Variants in EVC2 observed in about 807,000 individuals in gnomAD.
EVC2 encodes EvC ciliary complex subunit 2, also known as limbin.
In EVC2, 148 loss-of-function variants were observed where a neutral mutation model predicts 149.3. The ratio of observed to expected loss-of-function variants is 0.99; its 90% confidence interval spans 0.87 to 1.14. The LOEUF is 1.14. Among genes scored for constraint, EVC2 ranks in the 50% most tolerant of loss-of-function variants. The pLI, the probability that EVC2 is intolerant of heterozygous loss-of-function variation, is 0.00. For synonymous variants in EVC2, 776 were observed against 649.9 expected, an observed-to-expected ratio of 1.19 and a Z score of -2.95; for missense variants, 1,854 against 1,627.3, an observed-to-expected ratio of 1.14 and a Z score of -2.40.
chr4:5,555,901 C>T (rs372917742), intron 21 of EVC2, among the ~76,000 whole-genome samples: 2 of 152,034 alleles, frequency 1.3e-5, no homozygotes, highest in African/African-American at 4.8e-5. Flanking sequence ...ACTTAATAGC[C>T]GGGTGTGGTG....
intron 7 of EVC2, among the ~76,000 whole-genome samples, chr4:5,678,864 C>T (rs2151721431): frequency 6.6e-6 from 1 of 152,132 alleles, no homozygotes; most frequent in African/African-American, 2.4e-5. Flanking sequence ...AACCCCGTCT[C>T]TACTAAAAAT....
At chr4:5,700,982 G>C (rs756874369) in intron 1 of EVC2, among the ~76,000 whole-genome samples, 16 of 152,348 alleles carry the variant, frequency 1.1e-4, no homozygotes, top group Admixed American at 6.5e-4. Flanking sequence ...GATAGTTCTA[G>C]AAGTCAGAAG....
At chr4:5,680,798 T>C (rs933886366) in intron 7 of EVC2, among the ~76,000 whole-genome samples, 1 of 152,196 alleles carries the variant, frequency 6.6e-6, no homozygotes, top group African/African-American at 2.4e-5. Flanking sequence ...TAACACTTGG[T>C]GAATACATGA....
intron 21 of EVC2, among the ~76,000 whole-genome samples, chr4:5,553,719 T>C (rs941318847): frequency 6.6e-6 from 1 of 152,216 alleles, no homozygotes; most frequent in Non-Finnish European, 1.5e-5. Context: ...ATGTAAATTA[T>C]ATCTCAAGCT....
At position 5,708,522 on chromosome 4, in the gene EVC2, G is replaced by C. The variant is rs889618634; in HGVS notation, c.-9C>G. On this transcript the variant is annotated 5_prime_UTR_variant, in exon 1 of 22. Coordinates refer to ENST00000344408, the MANE Select transcript of EVC2 (RefSeq NM_147127.5). ...GAGCCCGAGGGGTCCATCGCCTGTCGGGACCCGCTACCTCAAAGCGGCGGG... is the reference window on the plus strand; with the variant it reads ...GAGCCCGAGGGGTCCATCGCCTGTCCGGACCCGCTACCTCAAAGCGGCGGG... The C allele has an allele frequency of 2.8e-6, 4 of 1,447,976 alleles. No individual in the cohort carries two copies. The highest frequency in any genetic ancestry group is 1.4e-5 in the South Asian group (1 of 72,680). 89.7% of individuals were successfully genotyped at this position (1,447,976 alleles called of 1,614,324 possible). A position where few individuals can be genotyped will look rare whatever the true frequency, so the allele number is the denominator to read the frequency against.
chr4:5,689,039 TAGGAG>T, intron 5 of EVC2, 113 bp downstream of exon 5: 1 of 1,092,080 alleles, frequency 9.2e-7, no homozygotes, highest in South Asian at 1.3e-5. Context: ...CTGTGAGGAT[TAGGAG>T]AGTGAACATG....
intron 16 of EVC2, among the ~76,000 whole-genome samples, chr4:5,612,231 T>G (rs995589026): frequency 2.6e-5 from 4 of 152,242 alleles, no homozygotes; most frequent in African/African-American, 9.6e-5. Flanking sequence ...ACCTTAACTT[T>G]TAGCTTTAGC....
At chr4:5,649,344 C>T (rs13126061) in intron 9 of EVC2, among the ~76,000 whole-genome samples, 104,278 of 152,062 alleles carry the variant, frequency 0.69, 36,344 homozygotes, top group African/African-American at 0.82. Context: ...TAGAACCACG[C>T]CCAGCACACA....
Position 5,697,809 on chromosome 4 carries a change from G to A in EVC2, c.229-162C>T, listed in dbSNP as rs140170464. On this transcript the variant is annotated intron_variant, in intron 1 of 21. Transcript: ENST00000344408. ...CACCCAGGCTGCAGTGCAGTGGCGC[G>A]ATCTCGACTTACTACAAGCTCCACC... Among the ~76,000 whole-genome samples, 1,105 of 150,860 alleles carry A rather than the reference G, an allele frequency of 7.3e-3. 17 individuals are homozygous for A. The highest frequency in any genetic ancestry group is 0.026 in the African/African-American group (1,047 of 40,996).
intron 7 of EVC2, among the ~76,000 whole-genome samples, chr4:5,680,290 A>G (rs1419997637): frequency 1.3e-5 from 2 of 152,234 alleles, no homozygotes; most frequent in African/African-American, 4.8e-5. Flanking sequence ...GTCATTATCA[A>G]GTATTATGTT....
rs77793386 is a variant in EVC2, at chr4:5,663,193, G to T, written c.1059C>A (p.Gly353=). The change falls in exon 9 of 22, where the codon GGC becomes GGA. Residue 353 remains glycine (G), a synonymous_variant. Transcript: ENST00000344408. ...LEPLPFTSAD[G]VNEDLSLNDQ... ...CGTTAAGGGAAAGGTCCTCATTCAC[G>T]CCATCAGCTGAGGTGAACGGCAAGG... 1.9e-6 allele frequency: 3 copies of T among 1,614,082 alleles called. No individual in the cohort carries two copies. Among genetic ancestry groups the T allele is most frequent in the Admixed American group, 1.7e-5 (1 of 60,020 alleles).
chr4:5,642,825 G>A, intron 9 of EVC2, among the ~76,000 whole-genome samples: 1 of 152,172 alleles, frequency 6.6e-6, no homozygotes, highest in East Asian at 1.9e-4. Context: ...AAATTTGCAA[G>A]GGCTTAAGTA....
chr4:5,697,815 G>A (rs1028251716), intron 1 of EVC2, among the ~76,000 whole-genome samples, 168 bp from the exon 2 acceptor site: 6 of 150,270 alleles, frequency 4.0e-5, no homozygotes, highest in African/African-American at 4.9e-5. Context: ...GCGCGATCTC[G>A]ACTTACTACA....
intron 16 of EVC2, among the ~76,000 whole-genome samples, chr4:5,593,098 T>G (rs1308551164): frequency 6.6e-6 from 1 of 152,198 alleles, no homozygotes; most frequent in Admixed American, 6.5e-5. Flanking sequence ...ACTTCTGCCA[T>G]GATTGTAAGT....
intron 21 of EVC2, 108 bp downstream of exon 21, chr4:5,565,146 TTGTC>T: frequency 2.0e-6 from 2 of 991,034 alleles, no homozygotes; most frequent in Admixed American, 1.7e-5. Context: ...TCACAAATCT[TTGTC>T]TGTTTGCAGC....
At position 5,625,788 on chromosome 4, in the gene EVC2, T is replaced by C. The variant is rs932805400; in HGVS notation, c.2007A>G (p.Gln669=). 2 of 1,614,050 alleles carry C rather than the reference T, an allele frequency of 1.2e-6. No individual in the cohort carries two copies. The highest frequency in any genetic ancestry group is 2.7e-5 in the African/African-American group (2 of 74,922). The change falls in exon 13 of 22, where the codon CAA becomes CAG. Residue 669 remains glutamine (Q), a synonymous_variant. Coordinates refer to ENST00000344408, the MANE Select transcript of EVC2 (RefSeq NM_147127.5). The surrounding 1 kb of genome is among the most constrained non-coding windows in gnomAD (Gnocchi z 4.0). ...DLKQEKKKLH[Q]KLITKRRREL... ...CTCGTCTTCTCTTAGTTATTAATTTTTGGTGGAGCTTTTTCTTTTCCTGCT... is the reference window on the plus strand; with the variant it reads ...CTCGTCTTCTCTTAGTTATTAATTTCTGGTGGAGCTTTTTCTTTTCCTGCT...
At chr4:5,627,613 C>T (rs1423769103) in intron 12 of EVC2, among the ~76,000 whole-genome samples, 1 of 152,060 alleles carries the variant, frequency 6.6e-6, no homozygotes, top group African/African-American at 2.4e-5. Flanking sequence ...CTTTTTGTAA[C>T]CTAAAAGAAT....
At chr4:5,566,188 G>A (rs1460581051) in intron 20 of EVC2, among the ~76,000 whole-genome samples, 1 of 152,244 alleles carries the variant, frequency 6.6e-6, no homozygotes, top group African/African-American at 2.4e-5. Flanking sequence ...CGTGGTCCTA[G>A]ACTGAAGGAG....
chr4:5,595,969 A>C (rs544037597), intron 16 of EVC2, among the ~76,000 whole-genome samples: 172 of 152,360 alleles, frequency 1.1e-3, no homozygotes, highest in African/African-American at 3.9e-3. Context: ...AAAGAGACAA[A>C]GAAGGCCATC....
Sources: allele counts gnomAD v4.1 joint callset (sites outside exome capture counted in the v4.1 genomes callset), GRCh38; gene constraint gnomAD v4.1.1; non-coding constraint Gnocchi (gnomAD v3.1); transcripts MANE v1.5; gene names NCBI Gene and HGNC (gene_info 2026-07-23, HGNC 2026-07-21).